FAM171A1: variants seen among roughly 807,000 people sequenced by gnomAD.
FAM171A1 encodes protein FAM171A1.
FAM171A1 carries 23 observed loss-of-function variants against 74.9 expected under a neutral mutation model. That is an observed-to-expected ratio of 0.31 (90% CI 0.22 to 0.44). The LOEUF is 0.44. Ranked by LOEUF, FAM171A1 falls within the 20% of genes least tolerant of loss-of-function variation. The pLI, the probability that FAM171A1 is intolerant of heterozygous loss-of-function variation, is 1.00. For missense variants in FAM171A1, 1,162 were observed against 1,159.2 expected (o/e 1.00, Z -0.03); for synonymous variants, 527 against 505.7 (o/e 1.04, Z -0.57).
chr10:15,274,562 GA>G (rs1834868358), intron 3 of FAM171A1, among the ~76,000 whole-genome samples: 1 of 152,146 alleles, frequency 6.6e-6, no homozygotes, highest in Non-Finnish European at 1.5e-5. Context: ...AACCAAAAAA[GA>G]GCCTGCATTG....
At chr10:15,361,507 A>C (rs1407640404) in intron 1 of FAM171A1, among the ~76,000 whole-genome samples, 1 of 152,016 alleles carries the variant, frequency 6.6e-6, no homozygotes, top group African/African-American at 2.4e-5. Flanking sequence ...ACATGGTAAA[A>C]CCCTGTCTCT....
At position 15,258,798 on chromosome 10, in the gene FAM171A1, C is replaced by T. The variant is rs541392697; in HGVS notation, c.419-3919G>A. On this transcript the variant is annotated intron_variant, in intron 3 of 7. Coordinates refer to ENST00000378116, the MANE Select transcript of FAM171A1 (RefSeq NM_001010924.2). ...CACTCTGGTTCTCTCCAGTGTCTGC[C>T]TGCTGTTTCCTTTGCAAGTCCTTCC... Among the ~76,000 whole-genome samples, 12 of 152,302 alleles carry T rather than the reference C, an allele frequency of 7.9e-5. No individual in the cohort carries two copies. The East Asian group carries it at 1.2e-3, about 15-fold the overall frequency.
chr10:15,215,950 G>A, intron 7 of FAM171A1, 46 bp downstream of exon 7: 1 of 1,310,082 alleles, frequency 7.6e-7, no homozygotes, highest in Admixed American at 2.4e-5. Flanking sequence ...AATTGCCCAA[G>A]AAACTGTGAA....
At chr10:15,291,709 C>A (rs1423503551) in intron 1 of FAM171A1, among the ~76,000 whole-genome samples, 5 of 152,176 alleles carry the variant, frequency 3.3e-5, no homozygotes, top group Admixed American at 1.3e-4. Flanking sequence ...CCCCTCCTCC[C>A]CAGCTGTATC....
At chr10:15,240,548 T>G (rs1264119352) in intron 5 of FAM171A1, among the ~76,000 whole-genome samples, 1 of 152,206 alleles carries the variant, frequency 6.6e-6, no homozygotes, top group Non-Finnish European at 1.5e-5. Flanking sequence ...GGGAAATTCT[T>G]TGCTTGTTCC....
chr10:15,301,209 A>T (rs531752020), intron 1 of FAM171A1, among the ~76,000 whole-genome samples: 46 of 152,232 alleles, frequency 3.0e-4, no homozygotes, highest in African/African-American at 8.9e-4. Flanking sequence ...GTCTGGCTCT[A>T]TCGCCCAGGC....
At chr10:15,323,151 A>T (rs527952107) in intron 1 of FAM171A1, among the ~76,000 whole-genome samples, 1 of 151,504 alleles carries the variant, frequency 6.6e-6, no homozygotes, top group Admixed American at 6.6e-5. Flanking sequence ...AAAAAAAAAA[A>T]AAATTAAAAC....
intron 3 of FAM171A1, among the ~76,000 whole-genome samples, chr10:15,255,689 G>A (rs1477500323): frequency 2.7e-5 from 4 of 147,508 alleles, no homozygotes; most frequent in Admixed American, 1.4e-4. Flanking sequence ...TGCTCTTGTC[G>A]CCCAGGCTGG....
At chr10:15,255,379 T>C (rs1834565920) in intron 3 of FAM171A1, among the ~76,000 whole-genome samples, 1 of 152,210 alleles carries the variant, frequency 6.6e-6, no homozygotes, top group Non-Finnish European at 1.5e-5. Context: ...TTGAAAAGAA[T>C]TGCAAACAAT....
intron 5 of FAM171A1, among the ~76,000 whole-genome samples, chr10:15,244,288 G>A (rs1834402711): frequency 6.6e-6 from 1 of 152,188 alleles, no homozygotes; most frequent in Non-Finnish European, 1.5e-5. Context: ...CTGGGAGGCG[G>A]AGGTTGTAGT....
At chr10:15,301,363 T>TATATA (rs386361679) in intron 1 of FAM171A1, among the ~76,000 whole-genome samples, 55 of 119,750 alleles carry the variant, frequency 4.6e-4, no homozygotes, top group African/African-American at 7.9e-4. Flanking sequence ...TATATATATA[T>TATATA]TTTTTTTTTT....
At chr10:15,219,904 C>T (rs1456821378) in intron 6 of FAM171A1, among the ~76,000 whole-genome samples, 2 of 152,208 alleles carry the variant, frequency 1.3e-5, no homozygotes, top group African/African-American at 4.8e-5. Flanking sequence ...ACTCTTAAAA[C>T]AGATGTGAAG....
intron 6 of FAM171A1, among the ~76,000 whole-genome samples, chr10:15,218,671 T>C (rs137889279): frequency 0.015 from 2,263 of 152,216 alleles, 26 homozygotes; most frequent in Middle Eastern, 0.024. Flanking sequence ...CATAGCTCAC[T>C]GCAGCCTTGA....
intron 1 of FAM171A1, among the ~76,000 whole-genome samples, chr10:15,293,475 T>C (rs1317450518): frequency 6.6e-6 from 1 of 152,042 alleles, no homozygotes; most frequent in Non-Finnish European, 1.5e-5. Context: ...TTAAGGAGTT[T>C]ACGGTTTTGC....
chr10:15,300,392 C>T (rs1054282164), intron 1 of FAM171A1, among the ~76,000 whole-genome samples: 1 of 152,140 alleles, frequency 6.6e-6, no homozygotes, highest in Non-Finnish European at 1.5e-5. Context: ...CCTGTCATTT[C>T]TGTGTCCAGA....
At chr10:15,233,794 C>A (rs564396946) in intron 5 of FAM171A1, among the ~76,000 whole-genome samples, 1 of 151,412 alleles carries the variant, frequency 6.6e-6, no homozygotes, top group Non-Finnish European at 1.5e-5. Flanking sequence ...CCCAGCTATT[C>A]GGGAGGCTGA....
intron 6 of FAM171A1, among the ~76,000 whole-genome samples, chr10:15,219,333 A>C (rs1012528841): frequency 3.3e-5 from 5 of 152,132 alleles, no homozygotes; most frequent in East Asian, 1.9e-4. Context: ...CACACACACA[A>C]AAAGCATGTA....
rs759886921 is a variant in FAM171A1 at position 15,213,134 on chromosome 10, C to T, written c.2454G>A (p.Glu818=). Residue 818 remains glutamate (E), a synonymous_variant, in exon 8 of 8, where the codon GAG becomes GAA. Coordinates refer to ENST00000378116, the MANE Select transcript of FAM171A1 (RefSeq NM_001010924.2). The surrounding 1 kb of genome is among the most constrained non-coding windows in gnomAD (Gnocchi z 6.8). ...GGCCACCACTTCTCCGACTCGACCC[C>T]TCCAACAAGCATCGCAGGGCACTGT... ...PEDSALRCLL[E]GSSRRSGGQL... 4 of 1,614,118 alleles carry T rather than the reference C, an allele frequency of 2.5e-6. No homozygotes were observed. The South Asian group carries it at 4.4e-5, about 18-fold the overall frequency.
intron 1 of FAM171A1, among the ~76,000 whole-genome samples, chr10:15,287,390 CTCTT>C (rs1353709289): frequency 1.4e-5 from 2 of 140,830 alleles, no homozygotes; most frequent in Admixed American, 7.3e-5. Flanking sequence ...CCGCGCCGGC[CTCTT>C]TTTTTTTTTT....
Sources: allele counts gnomAD v4.1 joint callset (sites outside exome capture counted in the v4.1 genomes callset), GRCh38; gene constraint gnomAD v4.1.1; non-coding constraint Gnocchi (gnomAD v3.1); transcripts MANE v1.5; gene names NCBI Gene and HGNC (gene_info 2026-07-23, HGNC 2026-07-21).